Variants in CCDC148 observed in about 807,000 individuals in gnomAD.
The protein encoded by CCDC148 is coiled-coil domain-containing protein 148.
Under a neutral mutation model 85.7 loss-of-function variants are expected in CCDC148, and 89 were observed. The ratio of observed to expected loss-of-function variants is 1.04; its 90% CI spans 0.87 to 1.24. The LOEUF is 1.24. Ranked by LOEUF, CCDC148 falls within the 50% of genes most tolerant of loss-of-function variation. CCDC148 has a pLI of 0.00. For missense variants in CCDC148, 692 were observed against 671.7 expected, an observed-to-expected ratio of 1.03 and a Z score of -0.33; for synonymous variants, 230 against 213.9, an observed-to-expected ratio of 1.08 and a Z score of -0.66.
intron 10 of CCDC148, among the ~76,000 whole-genome samples, chr2:158,236,640 A>G (rs1688120690): frequency 6.6e-6 from 1 of 152,130 alleles, no homozygotes; most frequent in African/African-American, 2.4e-5. Flanking sequence ...TTTAATCAAA[A>G]CACCTCATTT....
At chr2:158,346,263 G>A (rs1574660307) in intron 2 of CCDC148, among the ~76,000 whole-genome samples, 2 of 152,270 alleles carry the variant, frequency 1.3e-5, no homozygotes, top group Admixed American at 6.5e-5. Flanking sequence ...TGAAGGCAGG[G>A]AAGAAAGGAG....
chr2:158,397,699 C>T (rs1161681758), intron 1 of CCDC148, among the ~76,000 whole-genome samples: 1 of 152,116 alleles, frequency 6.6e-6, no homozygotes, highest in South Asian at 2.1e-4. Context: ...AGACCATAGA[C>T]ACTATGAAGA....
At chr2:158,413,000 T>C (rs1686333981) in intron 1 of CCDC148, among the ~76,000 whole-genome samples, 1 of 151,890 alleles carries the variant, frequency 6.6e-6, no homozygotes, top group South Asian at 2.1e-4. Context: ...TATAGCAATA[T>C]AACTATTAAA....
chr2:158,211,640 A>C (rs1686582767), intron 11 of CCDC148, among the ~76,000 whole-genome samples: 1 of 152,182 alleles, frequency 6.6e-6, no homozygotes. Context: ...AAAGCAGCCT[A>C]AACTACTCAG....
intron 1 of CCDC148, among the ~76,000 whole-genome samples, chr2:158,368,309 C>T (rs1374406388): frequency 6.6e-6 from 1 of 152,066 alleles, no homozygotes; most frequent in African/African-American, 2.4e-5. Context: ...TATCTGGCTC[C>T]ACATATTTCA....
intron 1 of CCDC148, among the ~76,000 whole-genome samples, chr2:158,454,011 G>GT (rs1409815944): frequency 2.6e-5 from 4 of 152,194 alleles, no homozygotes; most frequent in African/African-American, 4.8e-5. Flanking sequence ...CTCAGGCTAG[G>GT]TAACAGTGGT....
intron 1 of CCDC148, among the ~76,000 whole-genome samples, chr2:158,441,609 G>C (rs1013246178): frequency 6.6e-6 from 1 of 152,090 alleles, no homozygotes; most frequent in Non-Finnish European, 1.5e-5. Context: ...TTTGCTATGT[G>C]ACATCCTATG....
At chr2:158,278,797 G>T (rs1411270637) in intron 9 of CCDC148, among the ~76,000 whole-genome samples, 2 of 152,234 alleles carry the variant, frequency 1.3e-5, no homozygotes, top group East Asian at 1.9e-4. Context: ...CACGCGGATG[G>T]AGATCTGAGA....
chr2:158,366,819 C>T lies in CCDC148; in HGVS notation c.26-8249G>A, dbSNP rs546795763. Among the ~76,000 whole-genome samples the T allele has an allele frequency of 4.6e-5, 7 of 152,336 alleles. No individual in the cohort carries two copies. The South Asian group carries it at 6.2e-4, about 14-fold the overall frequency. On this transcript the variant is annotated intron_variant, in intron 1 of 13. Coordinates refer to ENST00000283233, the MANE Select transcript of CCDC148 (RefSeq NM_138803.4). ...TGCCTGCTAAACATCTTCCACTCCA[C>T]GCTCTTCTGGTGGCTCTTTAAATAA...
chr2:158,299,854 T>C, intron 9 of CCDC148, among the ~76,000 whole-genome samples: 1 of 152,148 alleles, frequency 6.6e-6, no homozygotes, highest in Non-Finnish European at 1.5e-5. Context: ...AACTACCAAA[T>C]GTGGAGAGAG....
intron 1 of CCDC148, among the ~76,000 whole-genome samples, chr2:158,430,847 T>C (rs1397650938): frequency 1.3e-5 from 2 of 151,968 alleles, no homozygotes; most frequent in African/African-American, 4.8e-5. Context: ...GTGTTATGAG[T>C]ATGCTCCAGG....
At chr2:158,301,331 A>G (rs548581598) in intron 9 of CCDC148, among the ~76,000 whole-genome samples, 4 of 152,356 alleles carry the variant, frequency 2.6e-5, no homozygotes, top group African/African-American at 9.6e-5. Flanking sequence ...GTAAATAGCT[A>G]TGAAGGTAAG....
chr2:158,428,134 G>C (rs1418219806), intron 1 of CCDC148, among the ~76,000 whole-genome samples: 1 of 152,128 alleles, frequency 6.6e-6, no homozygotes, highest in African/African-American at 2.4e-5. Flanking sequence ...GAGCAGATTT[G>C]GGTGGAGGAT....
intron 1 of CCDC148, among the ~76,000 whole-genome samples, chr2:158,442,810 C>A (rs1687991726): frequency 6.6e-6 from 1 of 152,194 alleles, no homozygotes; most frequent in African/African-American, 2.4e-5. Flanking sequence ...TCTTTTAACT[C>A]ATTAAATACT....
At chr2:158,300,622 C>T (rs760111842) in intron 9 of CCDC148, among the ~76,000 whole-genome samples, 125 of 152,102 alleles carry the variant, frequency 8.2e-4, no homozygotes, top group Non-Finnish European at 1.5e-3. Flanking sequence ...AACAAAGGCA[C>T]AAAAACAGGA....
chr2:158,184,002 G>C (rs1249476160), intron 11 of CCDC148, among the ~76,000 whole-genome samples: 1 of 152,022 alleles, frequency 6.6e-6, no homozygotes, highest in Non-Finnish European at 1.5e-5. Context: ...GTGGAGGGGA[G>C]AAGTCTGCCC....
At chr2:158,448,143 A>G (rs1688237910) in intron 1 of CCDC148, among the ~76,000 whole-genome samples, 1 of 152,014 alleles carries the variant, frequency 6.6e-6, no homozygotes, top group Admixed American at 6.6e-5. Flanking sequence ...CCCTTTCACT[A>G]TTGCTCTGCC....
Position 158,182,528 on chromosome 2 carries a change from T to C in CCDC148, c.1371-3532A>G, listed in dbSNP as rs1684953899. 2.0e-5 allele frequency among the ~76,000 whole-genome samples: 3 copies of C among 152,080 alleles called. No homozygotes were observed. In the South Asian group the frequency reaches 6.2e-4, roughly 32 times the overall value. On this transcript the variant is annotated intron_variant, in intron 11 of 13. Transcript: ENST00000283233. The stretch of plus-strand genomic sequence containing the variant: ...TGAGGTAAGGCAGTAAGAGAGGGCA[T>C]GGAGACAAACAAGTCCTGCAGCAAA...
At chr2:158,306,306 A>G (rs1691682820) in intron 9 of CCDC148, among the ~76,000 whole-genome samples, 1 of 152,146 alleles carries the variant, frequency 6.6e-6, no homozygotes, top group African/African-American at 2.4e-5. Flanking sequence ...GTGGATCATG[A>G]GGTCAGGAGA....
Sources: allele counts gnomAD v4.1 joint callset (sites outside exome capture counted in the v4.1 genomes callset), GRCh38; gene constraint gnomAD v4.1.1; transcripts MANE v1.5; gene names NCBI Gene and HGNC (gene_info 2026-07-23, HGNC 2026-07-21).